The following SPC24 variants were observed in gnomAD, a reference collection of about 807,000 sequenced individuals.
SPC24 encodes SPC24 component of NDC80 kinetochore complex, also known as kinetochore protein Spc24.
In SPC24, 31 loss-of-function variants were observed where a neutral mutation model predicts 27.6. That is an observed-to-expected ratio of 1.12 (90% CI 0.84 to 1.52). The LOEUF (loss-of-function observed/expected upper bound fraction) is 1.52. Among genes scored for constraint, SPC24 ranks in the 40% most tolerant of loss-of-function variants. The pLI, the probability that SPC24 is intolerant of heterozygous loss-of-function variation, is 0.00. For missense variants in SPC24, 284 were observed against 252.5 expected, an observed-to-expected ratio of 1.12 and a Z score of -0.84; for synonymous variants, 105 against 105.8, an observed-to-expected ratio of 0.99 and a Z score of 0.05.
In SPC24 at chr19:11,155,695, G is replaced by C; in HGVS notation, c.82C>G (p.Arg28Gly). The C allele has an allele frequency of 6.4e-7, 1 of 1,568,766 alleles. No individual in the cohort carries two copies. The highest frequency in any genetic ancestry group is 2.4e-5 in the East Asian group (1 of 42,298). The change falls in exon 1 of 5, where the codon CGA (arginine) becomes GGA (glycine). Residue 28 changes from arginine (R) to glycine (G), a missense_variant. By Grantham distance (125) the Arg-to-Gly change is moderately radical. Transcript: ENST00000592540. ...TGCTCGTGGCGCCCCAGCAGCCGTC[G>C]CTGCTGCGCCTCCGCGCGGTTGGCG... ...LGANRAEAQQ[R>G]RLLGRHEQVV...
chr19:11,147,367 CTTT>C, intron 4 of SPC24, 78 bp from the exon 5 acceptor site: 5 of 798,110 alleles, frequency 6.3e-6, no homozygotes, highest in Admixed American at 3.2e-5. Context: ...ACTGCCTTTA[CTTT>C]TTTTTTTTGA....
rs545665637 is a variant in SPC24, at chr19:11,153,172, G to A, written c.160+2445C>T. On this transcript the variant is annotated intron_variant, in intron 1 of 4. Transcript: ENST00000592540. ...ACTGAAAATAGAGTCTTGGCTGGGC[G>A]TGGTGGCTCACGCCTGTAATCCCAG... Among the ~76,000 whole-genome samples the A allele has an allele frequency of 9.9e-5, 15 of 152,184 alleles. No homozygotes were observed. In the East Asian group the frequency reaches 1.4e-3, roughly 14 times the overall value.
Position 11,149,141 on chromosome 19 carries a change from C to A in SPC24, c.258G>T (p.Gly86=). The change falls in exon 2 of 5, where the codon GGG becomes GGT. Residue 86 remains glycine (G), a synonymous_variant. Transcript: ENST00000592540. The part of the protein sequence containing the change: ...GGVELQQLEA[G]LQEAGEEDTR... Reference sequence around the variant, plus strand: ...TGTCCTCCTCCCCAGCCTCCTGAAGCCCAGCTTCCAGCTGCTGCAGCTCCA... The same window carrying A: ...TGTCCTCCTCCCCAGCCTCCTGAAGACCAGCTTCCAGCTGCTGCAGCTCCA... 6.5e-7 allele frequency: 1 copy of A among 1,549,624 alleles called. No individual in the cohort carries two copies. Among genetic ancestry groups the A allele is most frequent in the Non-Finnish European group, 8.7e-7 (1 of 1,146,798 alleles).
chr19:11,155,059 G>C (rs1280396590), intron 1 of SPC24, among the ~76,000 whole-genome samples: 1 of 152,064 alleles, frequency 6.6e-6, no homozygotes, highest in African/African-American at 2.4e-5. Flanking sequence ...GGTGGCAAGC[G>C]CCTGTAATCC....
At chr19:11,151,793 G>A (rs112014785) in intron 1 of SPC24, among the ~76,000 whole-genome samples, 1,615 of 150,686 alleles carry the variant, frequency 0.011, 15 homozygotes, top group Middle Eastern at 0.021. Context: ...TATTTTTACC[G>A]GAGACGGTGT....
intron 1 of SPC24, among the ~76,000 whole-genome samples, chr19:11,152,040 A>C (rs1327585514): frequency 1.2e-3 from 155 of 128,900 alleles, no homozygotes; most frequent in Middle Eastern, 0.011. Context: ...CCTGCCTCAG[A>C]CTCCCGAGTA....
At chr19:11,150,465 G>A (rs564942362) in intron 1 of SPC24, among the ~76,000 whole-genome samples, 17 of 151,186 alleles carry the variant, frequency 1.1e-4, no homozygotes, top group Admixed American at 8.6e-4. Flanking sequence ...CAGTCTGGGC[G>A]ATAGAGCAAG....
Position 11,148,122 on chromosome 19 carries a change from G to C in SPC24, c.306-5C>G, listed in dbSNP as rs1331588102. On this transcript the variant is annotated splice_region_variant and splice_polypyrimidine_tract_variant and intron_variant, in intron 2 of 4. Coordinates refer to ENST00000592540, the MANE Select transcript of SPC24 (RefSeq NM_182513.4). ...TCCAGCTCTCTGGTGAGCTGAGTAG[G>C]GCAGGTCGTTAAGGACCCCGGCTTT... 6.2e-7 allele frequency: 1 copy of C among 1,611,058 alleles called. No homozygotes were observed. Among genetic ancestry groups the C allele is most frequent in the South Asian group, 1.1e-5 (1 of 90,786 alleles).
chr19:11,147,660 C>T lies in SPC24; in HGVS notation c.487+158G>A. On this transcript the variant is annotated intron_variant, in intron 4 of 4. Transcript: ENST00000592540. ...TGATACCCAGGCTGGTCTCAAACTCCTGGCCTCAAGTGATCCTCCCACCTC... is the reference window on the plus strand; with the variant it reads ...TGATACCCAGGCTGGTCTCAAACTCTTGGCCTCAAGTGATCCTCCCACCTC... 4 of 668,188 alleles carry T rather than the reference C, an allele frequency of 6.0e-6. No individual in the cohort carries two copies. In the Admixed American group the frequency reaches 7.9e-5, roughly 13 times the overall value. 41.4% of individuals were successfully genotyped at this position (668,188 alleles called of 1,614,324 possible). A position where few individuals can be genotyped will look rare whatever the true frequency, so the allele number is the denominator to read the frequency against.
chr19:11,147,890 C>A lies in SPC24; in HGVS notation c.415G>T (p.Val139Leu). The A allele has an allele frequency of 6.5e-7, 1 of 1,541,618 alleles. No homozygotes were observed. ...TTVTIPSAVY[V>L]AQLYHQVSKI... ...CTAACTTGGTGGTAAAGTTGAGCCA[C>A]GTACCTGTACAGGAAGACAAAAAAA... Residue 139 changes from valine to leucine, a missense_variant, in exon 4 of 5, where the codon GTG becomes TTG. Physicochemically the swap from Val to Leu is conservative, Grantham distance 32 (BLOSUM62 1). Transcript: ENST00000592540.
Position 11,147,128 on chromosome 19 carries a change from G to T in SPC24, c.*55C>A. 2 of 1,000,884 alleles carry T rather than the reference G, an allele frequency of 2.0e-6. No individual in the cohort carries two copies. The highest frequency in any genetic ancestry group is 3.0e-6 in the Non-Finnish European group (2 of 674,228). 62.0% of individuals were successfully genotyped at this position (1,000,884 alleles called of 1,614,324 possible). Reference sequence around the variant, plus strand: ...ATGTCCCCACATTTCATTTGAAATGGATCTGACCACGGCAGATGCCCGCTG... The same window carrying T: ...ATGTCCCCACATTTCATTTGAAATGTATCTGACCACGGCAGATGCCCGCTG... On this transcript the variant is annotated 3_prime_UTR_variant, in exon 5 of 5. Coordinates refer to ENST00000592540, the MANE Select transcript of SPC24 (RefSeq NM_182513.4).
At chr19:11,150,184 T>A (rs1418347799) in intron 1 of SPC24, among the ~76,000 whole-genome samples, 3 of 40,458 alleles carry the variant, frequency 7.4e-5, no homozygotes, top group African/African-American at 1.6e-4. Flanking sequence ...AAACTCCATC[T>A]CAAAAAAAAA....
Position 11,149,189 on chromosome 19 carries a change from C to T in SPC24, c.210G>A (p.Lys70=), listed in dbSNP as rs1195341826. The change falls in exon 2 of 5, where the codon AAG becomes AAA. Residue 70 remains lysine (K), a synonymous_variant. Coordinates refer to ENST00000592540, the MANE Select transcript of SPC24 (RefSeq NM_182513.4). ...CCACGCCTCCCTGGTGCACCTGCTC[C>T]TTCGCATTGAGAAGGCTCTGGGCCA... ...KEVAQSLLNA[K]EQVHQGGVEL... 1 of 1,550,906 alleles carries T rather than the reference C, an allele frequency of 6.4e-7. No individual in the cohort carries two copies. The highest frequency in any genetic ancestry group is 1.2e-5 in the South Asian group (1 of 83,962).
chr19:11,155,483 G>A, intron 1 of SPC24, 134 bp downstream of exon 1: 1 of 1,070,832 alleles, frequency 9.3e-7, no homozygotes, highest in South Asian at 1.7e-5. Context: ...GGCTCAGAGG[G>A]GGCCGTCCCA....
intron 1 of SPC24, among the ~76,000 whole-genome samples, chr19:11,151,048 A>G (rs886586717): frequency 1.3e-5 from 2 of 151,080 alleles, no homozygotes; most frequent in Non-Finnish European, 2.9e-5. Context: ...CTGTAGTCCC[A>G]GCTACTTGGG....
intron 1 of SPC24, 23 bp downstream of exon 1, chr19:11,155,594 C>G: frequency 5.2e-6 from 8 of 1,530,936 alleles, no homozygotes; most frequent in Non-Finnish European, 7.0e-6. Flanking sequence ...CCCGTGGGCC[C>G]GCGACCACGC....
intron 2 of SPC24, among the ~76,000 whole-genome samples, chr19:11,148,646 T>TTG: frequency 1.3e-5 from 2 of 151,514 alleles, no homozygotes; most frequent in South Asian, 4.2e-4. Flanking sequence ...ATGCCCAGCT[T>TTG]ATTGATTGAT....
chr19:11,147,908 C>CAAAAAAAAA lies in SPC24; in HGVS notation c.411-23_411-15dup, dbSNP rs58845884. On this transcript the variant is annotated splice_polypyrimidine_tract_variant and intron_variant, in intron 3 of 4. Coordinates refer to ENST00000592540, the MANE Select transcript of SPC24 (RefSeq NM_182513.4). ...TGAGCCACGTACCTGTACAGGAAGA[C>CAAAAAAAAA]AAAAAAAAAAAAAAAAAAAAAAGAA... is the stretch of plus-strand genomic sequence containing the variant. The CAAAAAAAAA allele has an allele frequency of 9.7e-5, 108 of 1,115,668 alleles. No individual in the cohort carries two copies. The highest frequency in any genetic ancestry group is 4.6e-4 in the South Asian group (28 of 61,536). The allele number at this position is 1,115,668 out of a possible 1,614,324, so 69.1% of individuals were successfully genotyped here.
In SPC24 at chr19:11,146,688, C is replaced by A. The variant is rs2077827268; in HGVS notation, c.*495G>T. ...GCTGAGGCAGGAGAATGGCGTGAAC[C>A]CGGGAGGAGGCGGAGCTTGCAGTGA... On this transcript the variant is annotated 3_prime_UTR_variant, in exon 5 of 5. Transcript: ENST00000592540. 6.6e-6 allele frequency: 1 copy of A among 150,872 alleles called. No homozygotes were observed. Among genetic ancestry groups the A allele is most frequent in the African/African-American group, 2.5e-5 (1 of 40,804 alleles). 9.3% of individuals were successfully genotyped at this position (150,872 alleles called of 1,614,324 possible). A position where few individuals can be genotyped will look rare whatever the true frequency, so the allele number is the denominator to read the frequency against.
Sources: allele counts gnomAD v4.1 joint callset (sites outside exome capture counted in the v4.1 genomes callset), GRCh38; gene constraint gnomAD v4.1.1; transcripts MANE v1.5; gene names NCBI Gene and HGNC (gene_info 2026-07-23, HGNC 2026-07-21).